The following DNAH6 variants were observed in gnomAD, a reference collection of about 807,000 sequenced individuals.
The protein encoded by DNAH6 is axonemal beta dynein heavy chain 6.
Under a neutral mutation model 491.4 loss-of-function variants are expected in DNAH6, and 340 were observed. That is an observed-to-expected ratio of 0.69 (90% CI 0.63 to 0.76). The LOEUF (loss-of-function observed/expected upper bound fraction) is 0.76, where lower values mean the gene tolerates loss of function less well. Ranked by LOEUF, DNAH6 falls within the 30% of genes least tolerant of loss-of-function variation. The probability of loss-of-function intolerance (pLI) is 0.00; values close to 1 mark genes in which losing one functional copy is unlikely to be tolerated. For synonymous variants in DNAH6, 1,603 were observed against 1,686.1 expected (o/e 0.95, Z 1.21); for missense variants, 4,443 against 4,972.2 (o/e 0.89, Z 3.20).
At position 84,733,478 on chromosome 2, in the gene DNAH6, C is replaced by A; in HGVS notation, c.10241C>A (p.Pro3414His). ...RPPKPEAPWLPTATWFACCDL... is the reference protein window; with the variant it reads ...RPPKPEAPWLHTATWFACCDL... The stretch of plus-strand genomic sequence containing the variant: ...CCTAAGCCTGAAGCTCCCTGGCTAC[C>A]TACTGCTACATGGTTCGCATGCTGT... The change falls in exon 62 of 77, where the codon CCT becomes CAT. Residue 3414 changes from proline to histidine, a missense_variant. Pro to His is a moderately conservative substitution (Grantham distance 77). Around this residue, in one of 3 missense-constraint regions of DNAH6, gnomAD observed 1,463 missense variants for 1,656.6 expected, o/e 0.88. Transcript: ENST00000389394. 3 of 1,551,266 alleles carry A rather than the reference C, an allele frequency of 1.9e-6. No individual in the cohort carries two copies. Among genetic ancestry groups the A allele is most frequent in the Non-Finnish European group, 1.7e-6 (2 of 1,146,614 alleles).
chr2:84,557,900 G>A lies in DNAH6; in HGVS notation c.1768G>A (p.Asp590Asn), dbSNP rs1680227263. 1 of 1,611,004 alleles carries A rather than the reference G, an allele frequency of 6.2e-7. No homozygotes were observed. The highest frequency in any genetic ancestry group is 8.5e-7 in the Non-Finnish European group (1 of 1,178,410). Residue 590 changes from aspartate (D) to asparagine (N), a missense_variant, in exon 11 of 77, where the codon GAT becomes AAT. By Grantham distance (23) the Asp-to-Asn change is conservative (BLOSUM62 1). Around this residue, in one of 3 missense-constraint regions of DNAH6, gnomAD observed 2,977 missense variants for 3,296.6 expected, o/e 0.90. Coordinates refer to ENST00000389394, the MANE Select transcript of DNAH6 (RefSeq NM_001370.2). The part of the protein sequence containing the change: ...GPSLAAVFED[D>N]KNFHTIISQI... ...AAGTTTAGCAGCAGTATTTGAGGAT[G>A]ATAAGAATTTTCACACAATTATTTC...
intron 64 of DNAH6, chr2:84,778,101 G>T (rs1676325709): frequency 1.2e-6 from 1 of 807,142 alleles, no homozygotes; most frequent in South Asian, 1.3e-5. Context: ...TAAACTGCCC[G>T]TCAGTTGTGG....
At position 84,549,978 on chromosome 2, in the gene DNAH6, A is replaced by G. The variant is rs557643866; in HGVS notation, c.1406A>G (p.Asp469Gly). 2 of 1,614,052 alleles carry G rather than the reference A, an allele frequency of 1.2e-6. No individual in the cohort carries two copies. The highest frequency in any genetic ancestry group is 2.7e-5 in the African/African-American group (2 of 75,052). Residue 469 changes from aspartate (D) to glycine (G), a missense_variant, in exon 9 of 77, where the codon GAC becomes GGC. Asp to Gly is a moderately conservative substitution (Grantham distance 94). Coordinates refer to ENST00000389394, the MANE Select transcript of DNAH6 (RefSeq NM_001370.2). The stretch of plus-strand genomic sequence containing the variant: ...AATTCGCTTTTGAACCATCTCACTG[A>G]CAAGCTAAAACGAACACCTTCAGCA... ...AVNSLLNHLT[D>G]KLKRTPSADV...
At chr2:84,716,362 A>G (rs1165572907) in intron 58 of DNAH6, among the ~76,000 whole-genome samples, 1 of 151,482 alleles carries the variant, frequency 6.6e-6, no homozygotes, top group Non-Finnish European at 1.5e-5. Context: ...TATATATTTA[A>G]CCAACACATA....
intron 13 of DNAH6, among the ~76,000 whole-genome samples, chr2:84,578,287 A>G (rs1479104590): frequency 1.3e-5 from 2 of 152,120 alleles, no homozygotes; most frequent in Non-Finnish European, 2.9e-5. Flanking sequence ...AAATATATAT[A>G]TAATTATGTA....
chr2:84,777,806 C>G, intron 64 of DNAH6: 2 of 1,137,490 alleles, frequency 1.8e-6, no homozygotes, highest in Non-Finnish European at 2.7e-6. Context: ...ACTTATCTTC[C>G]AAGCCACATA....
chr2:84,581,602 G>A (rs1297696431), intron 14 of DNAH6, among the ~76,000 whole-genome samples: 1 of 152,146 alleles, frequency 6.6e-6, no homozygotes, highest in Admixed American at 6.5e-5. Flanking sequence ...AAACATTCAG[G>A]TGGGCATTCC....
rs774515674 is a variant in DNAH6, at chr2:84,611,895, T to C, written c.3475+41T>C. The C allele has an allele frequency of 6.0e-6, 9 of 1,506,062 alleles. No individual in the cohort carries two copies. In the South Asian group the frequency reaches 1.1e-4, roughly 19 times the overall value. 93.3% of individuals were successfully genotyped at this position (1,506,062 alleles called of 1,614,324 possible). A position where few individuals can be genotyped will look rare whatever the true frequency, so the allele number is the denominator to read the frequency against. ...CCAAACAAGCAAAAAGACTACAATC[T>C]TTTAGTAGTCTGGGACTTTAGTCCC... is the stretch of plus-strand genomic sequence containing the variant. On this transcript the variant is annotated intron_variant, in intron 22 of 76. Coordinates refer to ENST00000389394, the MANE Select transcript of DNAH6 (RefSeq NM_001370.2).
intron 11 of DNAH6, among the ~76,000 whole-genome samples, chr2:84,570,387 CCCAATCAGCACTCTGTAAAAACACA>C (rs1681664132): frequency 6.8e-6 from 1 of 147,688 alleles, no homozygotes; most frequent in East Asian, 2.0e-4. Flanking sequence ...TTGTAAATGC[CCCAATCAGCACTCTGTAAAAACACA>C]CCAATCAGCA....
intron 21 of DNAH6, among the ~76,000 whole-genome samples, chr2:84,609,973 T>C (rs1173968873): frequency 6.6e-6 from 1 of 152,200 alleles, no homozygotes; most frequent in Non-Finnish European, 1.5e-5. Flanking sequence ...ACAGTTTCTG[T>C]GGCTCAGGAG....
intron 64 of DNAH6, among the ~76,000 whole-genome samples, chr2:84,770,857 G>C (rs191169759): frequency 7.4e-4 from 113 of 152,096 alleles, no homozygotes; most frequent in African/African-American, 2.6e-3. Flanking sequence ...TGGCATGGTG[G>C]CATGCGCCTG....
At chr2:84,545,709 G>C (rs747919064) in intron 5 of DNAH6, among the ~76,000 whole-genome samples, 2 of 151,998 alleles carry the variant, frequency 1.3e-5, no homozygotes, top group Non-Finnish European at 2.9e-5. Context: ...CATTGCAGTC[G>C]TTTAAATATG....
intron 49 of DNAH6, among the ~76,000 whole-genome samples, chr2:84,702,402 T>C (rs1026410503): frequency 1.3e-5 from 2 of 152,302 alleles, no homozygotes; most frequent in South Asian, 4.1e-4. Flanking sequence ...ACCTACAATT[T>C]TCTACATTTT....
intron 63 of DNAH6, among the ~76,000 whole-genome samples, chr2:84,748,342 G>T (rs1673161784): frequency 6.6e-6 from 1 of 152,160 alleles, no homozygotes; most frequent in African/African-American, 2.4e-5. Flanking sequence ...TAGGCTGTTA[G>T]AAGGAGCTAT....
chr2:84,489,869 G>A, the DNAH6 span, among the ~76,000 whole-genome samples: 1 of 152,168 alleles, frequency 6.6e-6, no homozygotes, highest in Non-Finnish European at 1.5e-5. Flanking sequence ...AGATGGGGCT[G>A]CAAAATTTTC....
At chr2:84,659,592 G>T (rs1193407303) in intron 37 of DNAH6, among the ~76,000 whole-genome samples, 1 of 152,180 alleles carries the variant, frequency 6.6e-6, no homozygotes, top group African/African-American at 2.4e-5. Context: ...TTACAAATAT[G>T]TATGGAAGGA....
At chr2:84,763,432 G>GT (rs1411415241) in intron 64 of DNAH6, among the ~76,000 whole-genome samples, 20 of 151,618 alleles carry the variant, frequency 1.3e-4, no homozygotes, top group African/African-American at 3.6e-4. Context: ...AGCTGATTTG[G>GT]TTTTTTTTAA....
At chr2:84,628,902 C>G (rs1688128846) in intron 29 of DNAH6, among the ~76,000 whole-genome samples, 1 of 152,004 alleles carries the variant, frequency 6.6e-6, no homozygotes, top group Non-Finnish European at 1.5e-5. Context: ...AAAATGTTAC[C>G]AGCGCACTTG....
At chr2:84,808,131 A>ATGTGTGTG (rs35839006) in intron 71 of DNAH6, among the ~76,000 whole-genome samples, 130 of 141,258 alleles carry the variant, frequency 9.2e-4, no homozygotes, top group African/African-American at 2.9e-3. Context: ...GTGTATATAT[A>ATGTGTGTG]TGTGTGTGTG....
Sources: allele counts gnomAD v4.1 joint callset (sites outside exome capture counted in the v4.1 genomes callset), GRCh38; gene constraint gnomAD v4.1.1; regional missense constraint gnomAD v4.1.1; transcripts MANE v1.5; gene names NCBI Gene and HGNC (gene_info 2026-07-23, HGNC 2026-07-21).